Variants in DOCK10 observed in about 807,000 individuals in gnomAD.
The protein encoded by DOCK10 is dedicator of cytokinesis protein 10.
DOCK10 carries 145 observed loss-of-function variants against 280.1 expected under a neutral mutation model. The observed-to-expected ratio is 0.52, with a 90% CI of 0.45 to 0.59. The LOEUF is 0.59. DOCK10 is among the 20% of genes least tolerant of loss of function. The probability of loss-of-function intolerance (pLI) is 0.00; values close to 1 mark genes in which losing one functional copy is unlikely to be tolerated. For missense variants in DOCK10, 2,368 were observed against 2,651.7 expected (o/e 0.89, Z 2.35); for synonymous variants, 915 against 942.2 (o/e 0.97, Z 0.53).
At chr2:224,925,643 T>TA (rs1443101645) in intron 2 of DOCK10, among the ~76,000 whole-genome samples, 1 of 152,176 alleles carries the variant, frequency 6.6e-6, no homozygotes, top group African/African-American at 2.4e-5. Context: ...TAAATTGAAA[T>TA]AGAGTTTTAC....
At chr2:225,040,065 G>A (rs1281922360) in intron 1 of DOCK10, among the ~76,000 whole-genome samples, 1 of 152,110 alleles carries the variant, frequency 6.6e-6, no homozygotes, top group Non-Finnish European at 1.5e-5. Context: ...AGAACTTGAA[G>A]CAACAGATAT....
intron 3 of DOCK10, among the ~76,000 whole-genome samples, chr2:224,906,670 A>T (rs143135672): frequency 2.0e-5 from 3 of 152,160 alleles, no homozygotes; most frequent in African/African-American, 7.2e-5. Flanking sequence ...TAGTAGAGAC[A>T]GGGTTTCACC....
intron 3 of DOCK10, among the ~76,000 whole-genome samples, chr2:224,901,203 C>T (rs1332010544): frequency 6.6e-6 from 1 of 152,232 alleles, no homozygotes; most frequent in African/African-American, 2.4e-5. Flanking sequence ...TACAGCTCCT[C>T]TTTGTCCAAA....
chr2:224,898,199 G>C (rs942991126), intron 3 of DOCK10, among the ~76,000 whole-genome samples: 2 of 152,272 alleles, frequency 1.3e-5, no homozygotes, highest in East Asian at 3.9e-4. Context: ...CAAGAGGCTC[G>C]AGATGCATGA....
Position 224,805,645 on chromosome 2 carries a change from A to G in DOCK10, c.3815-116T>C, listed in dbSNP as rs1210314182. The G allele has an allele frequency of 3.7e-6, 5 of 1,343,208 alleles. No individual in the cohort carries two copies. In the Admixed American group the frequency reaches 9.8e-5, roughly 26 times the overall value. The allele number at this position is 1,343,208 out of a possible 1,614,324, so 83.2% of individuals were successfully genotyped here. ...ATACTGAGGTAGCAGCAGTGTTGTC[A>G]AAGACCAACATAACAGCGTCTGGGA... On this transcript the variant is annotated intron_variant, in intron 34 of 55. Transcript: ENST00000258390. The surrounding 1 kb of genome is among the most constrained non-coding windows in gnomAD (Gnocchi z 4.3).
chr2:224,816,944 T>C (rs1694169819), intron 29 of DOCK10, among the ~76,000 whole-genome samples: 1 of 152,252 alleles, frequency 6.6e-6, no homozygotes, highest in Admixed American at 6.5e-5. Context: ...ATCCCATTTG[T>C]AACCTACATG....
chr2:224,848,139 C>G (rs1295276437), intron 19 of DOCK10, among the ~76,000 whole-genome samples: 1 of 152,198 alleles, frequency 6.6e-6, no homozygotes, highest in Non-Finnish European at 1.5e-5. Context: ...TCCCTAGAAC[C>G]TCCTGAAGGT....
rs1559962945 is a variant in DOCK10, at chr2:225,016,628, GATACATATATCTATGTGCACATAGATAC to G, written c.123+25596_123+25623del. Among the ~76,000 whole-genome samples the G allele has an allele frequency of 2.5e-4, 10 of 39,864 alleles. 1 individual carries two copies. The highest frequency in any genetic ancestry group is 6.0e-4 in the African/African-American group (10 of 16,652). The allele number at this position is 39,864 out of a possible 152,430, so 26.2% of individuals were successfully genotyped here. A position where few individuals can be genotyped will look rare whatever the true frequency, so the allele number is the denominator to read the frequency against. On this transcript the variant is annotated intron_variant, in intron 1 of 55. Transcript: ENST00000258390. ...AGATACATATATCTATGTGCACATA[GATACATATATCTATGTGCACATAGATAC>G]ATAGATACATATATCTATGTGCACA...
At chr2:224,785,114 T>G (rs914122567) in intron 50 of DOCK10, among the ~76,000 whole-genome samples, 6 of 152,154 alleles carry the variant, frequency 3.9e-5, no homozygotes, top group African/African-American at 1.4e-4. Context: ...TCTTGCTGTC[T>G]CACCAATGTC....
At chr2:224,916,630 G>T in intron 3 of DOCK10, 65 bp downstream of exon 3, 1 of 1,060,300 alleles carries the variant, frequency 9.4e-7, no homozygotes, top group Non-Finnish European at 1.4e-6. Flanking sequence ...ATAGTAAATT[G>T]CATTGAGAAT....
chr2:224,889,219 TC>T (rs1388597160), intron 4 of DOCK10, among the ~76,000 whole-genome samples: 1 of 152,202 alleles, frequency 6.6e-6, no homozygotes, highest in Non-Finnish European at 1.5e-5. Context: ...AGGTGAATGA[TC>T]AGAGCTCTTT....
intron 3 of DOCK10, among the ~76,000 whole-genome samples, chr2:224,908,368 G>A (rs17199382): frequency 0.17 from 23,443 of 141,828 alleles, 2,072 homozygotes; most frequent in Middle Eastern, 0.27. Context: ...TCCTTGCCCC[G>A]GTAGCCTAGT....
chr2:224,982,104 C>G lies in DOCK10; in HGVS notation c.124-50436G>C, dbSNP rs1296211528. ...TACTTCAGAGTAGTAAACTCTAGGT[C>G]ACACATGCCTTTATCTAACGCTAAA... On this transcript the variant is annotated intron_variant, in intron 1 of 55. Coordinates refer to ENST00000258390, the MANE Select transcript of DOCK10 (RefSeq NM_014689.3). 1.2e-5 allele frequency: 10 copies of G among 868,020 alleles called. No individual in the cohort carries two copies. In the East Asian group the frequency reaches 2.3e-4, roughly 20 times the overall value. The allele number at this position is 868,020 out of a possible 1,614,324, so 53.8% of individuals were successfully genotyped here.
chr2:224,810,644 C>G (rs1478598867), intron 31 of DOCK10, among the ~76,000 whole-genome samples: 1 of 112,538 alleles, frequency 8.9e-6, no homozygotes, highest in Non-Finnish European at 1.7e-5. Context: ...CTCCCCCCAC[C>G]CCACAACAGT....
chr2:224,995,412 A>C (rs1220913500), intron 1 of DOCK10, among the ~76,000 whole-genome samples: 1 of 152,210 alleles, frequency 6.6e-6, no homozygotes, highest in East Asian at 1.9e-4. Context: ...TAAATCATCT[A>C]ATGTCAACAC....
chr2:224,823,405 C>T, intron 28 of DOCK10, 96 bp downstream of exon 28: 2 of 1,082,636 alleles, frequency 1.8e-6, no homozygotes, highest in East Asian at 6.0e-5. Context: ...TTTGATTTTT[C>T]ATCATACATG....
chr2:224,909,250 C>T (rs1250292222), intron 3 of DOCK10, among the ~76,000 whole-genome samples: 2 of 152,168 alleles, frequency 1.3e-5, no homozygotes, highest in African/African-American at 4.8e-5. Flanking sequence ...CTCCTCAAAC[C>T]CCTTGTGGGA....
intron 25 of DOCK10, 109 bp from the exon 26 acceptor site, chr2:224,834,372 T>A: frequency 1.4e-6 from 1 of 701,064 alleles, no homozygotes; most frequent in Non-Finnish European, 2.5e-6. Context: ...TCATGCCAGA[T>A]TTTGCCATGA....
rs572322015 is a variant in DOCK10, at chr2:224,905,845, TAGTG to T, written c.334-9472_334-9469del. On this transcript the variant is annotated intron_variant, in intron 3 of 55. Transcript: ENST00000258390. ...CACAGGGTCCTCTTTGCCTGCCCCT[TAGTG>T]AGAGTGTGGCTCAGGGACCTGCCTT... Among the ~76,000 whole-genome samples, 3 of 152,232 alleles carry T rather than the reference TAGTG, an allele frequency of 2.0e-5. No homozygotes were observed. In the South Asian group the frequency reaches 6.2e-4, roughly 32 times the overall value.
Sources: allele counts gnomAD v4.1 joint callset (sites outside exome capture counted in the v4.1 genomes callset), GRCh38; gene constraint gnomAD v4.1.1; non-coding constraint Gnocchi (gnomAD v3.1); transcripts MANE v1.5; gene names NCBI Gene and HGNC (gene_info 2026-07-23, HGNC 2026-07-21).